Variants in PAK4 observed in about 807,000 individuals in gnomAD.
PAK4 encodes the protein serine/threonine-protein kinase PAK 4.
In PAK4, 49 loss-of-function variants were observed where a neutral mutation model predicts 53.5. The ratio of observed to expected loss-of-function variants is 0.92; its 90% CI spans 0.73 to 1.16. PAK4 has a LOEUF of 1.16. PAK4 is among the 50% of genes most tolerant of loss of function. The probability of loss-of-function intolerance (pLI) is 0.00; values close to 1 mark genes in which losing one functional copy is unlikely to be tolerated. For synonymous variants in PAK4, 376 were observed against 375.6 expected, an observed-to-expected ratio of 1.00 and a Z score of -0.01; for missense variants, 824 against 850.7, an observed-to-expected ratio of 0.97 and a Z score of 0.39.
At chr19:39,134,904 C>G (rs1219211015) in intron 1 of PAK4, 1 of 152,312 alleles carries the variant, frequency 6.6e-6, no homozygotes, top group Non-Finnish European at 1.5e-5. Flanking sequence ...TGTGCCCAGC[C>G]CCATATAATA....
At position 39,157,596 on chromosome 19, in the gene PAK4, C is replaced by A. The variant is rs570932260; in HGVS notation, c.-22-11936C>A. Among the ~76,000 whole-genome samples the A allele has an allele frequency of 2.0e-5, 3 of 152,346 alleles. No homozygotes were observed. In the South Asian group the frequency reaches 6.2e-4, roughly 32 times the overall value. The stretch of plus-strand genomic sequence containing the variant: ...GAAGCTCCCTCTGGGGCACGCTCTG[C>A]TGGTGCCCCATATTCTAGAGACATG... On this transcript the variant is annotated intron_variant, in intron 1 of 8. Transcript: ENST00000358301.
Position 39,147,841 on chromosome 19 carries a change from G to GTTTTTTTTTTTTTTTTTTTTTTTTTTT in PAK4, c.-22-21667_-22-21666insTTTTTTTTTTTTTTTTTTTTTTTTTTT, listed in dbSNP as rs35845376. Among the ~76,000 whole-genome samples the GTTTTTTTTTTTTTTTTTTTTTTTTTTT allele has an allele frequency of 1.5e-4, 2 of 13,240 alleles. 1 individual carries two copies. 8.7% of individuals were successfully genotyped at this position (13,240 alleles called of 152,430 possible). On this transcript the variant is annotated intron_variant, in intron 1 of 8. Transcript: ENST00000358301. ...TTCTTATTGGATTGTTTGTTTTCGG[G>GTTTTTTTTTTTTTTTTTTTTTTTTTTT]TTTTTTTTTTTTTTTTTTTTTTTTG...
chr19:39,176,579 C>G lies in PAK4; in HGVS notation c.1360-11C>G. ...AGCTCCTCTGACCCCACTGCCTCTGCCCTGTCCCAGGTGAAGCTGTCAGAC... is the reference window on the plus strand; with the variant it reads ...AGCTCCTCTGACCCCACTGCCTCTGGCCTGTCCCAGGTGAAGCTGTCAGAC... On this transcript the variant is annotated splice_polypyrimidine_tract_variant and intron_variant, in intron 6 of 8. Transcript: ENST00000358301. 6.2e-7 allele frequency: 1 copy of G among 1,613,614 alleles called. No homozygotes were observed. The highest frequency in any genetic ancestry group is 1.3e-5 in the African/African-American group (1 of 75,050).
intron 1 of PAK4, among the ~76,000 whole-genome samples, chr19:39,155,979 G>A (rs892190529): frequency 2.6e-5 from 4 of 152,194 alleles, no homozygotes; most frequent in Non-Finnish European, 5.9e-5. Context: ...GTGAGGCGGC[G>A]CCAGCATGGC....
At chr19:39,157,032 C>G (rs567394242) in intron 1 of PAK4, among the ~76,000 whole-genome samples, 5 of 152,084 alleles carry the variant, frequency 3.3e-5, no homozygotes, top group Non-Finnish European at 7.4e-5. Context: ...CTGCTGGGGA[C>G]TTGCAGGCAT....
intron 1 of PAK4, among the ~76,000 whole-genome samples, chr19:39,158,407 G>A (rs1376376005): frequency 6.6e-6 from 1 of 152,152 alleles, no homozygotes; most frequent in Non-Finnish European, 1.5e-5. Flanking sequence ...TTGGGTGCTG[G>A]AGCCTGAGAG....
At chr19:39,172,811 G>C (rs1568526106) in intron 2 of PAK4, 107 bp from the exon 4 acceptor site, 1 of 951,936 alleles carries the variant, frequency 1.1e-6, no homozygotes, top group East Asian at 2.7e-5. Context: ...TTGCGTCTCT[G>C]TCTTGTCTCT....
chr19:39,126,262 G>C (rs2073575780), intron 1 of PAK4, among the ~76,000 whole-genome samples: 1 of 152,084 alleles, frequency 6.6e-6, no homozygotes, highest in African/African-American at 2.4e-5. Flanking sequence ...CCCCAGGGGC[G>C]CCAGGTTGGA....
chr19:39,145,451 C>G (rs756978231), intron 1 of PAK4, among the ~76,000 whole-genome samples: 14 of 152,122 alleles, frequency 9.2e-5, no homozygotes, highest in Non-Finnish European at 1.8e-4. Context: ...TCAGGGCACC[C>G]CTACCCCTGG....
intron 1 of PAK4, among the ~76,000 whole-genome samples, chr19:39,136,938 C>T (rs987698325): frequency 7.2e-5 from 11 of 152,082 alleles, no homozygotes; most frequent in East Asian, 1.9e-4. Flanking sequence ...AGAGGTCTCC[C>T]GGCGGGGGAG....
At chr19:39,140,767 C>T (rs1158353240) in intron 1 of PAK4, among the ~76,000 whole-genome samples, 2 of 152,156 alleles carry the variant, frequency 1.3e-5, no homozygotes, top group African/African-American at 4.8e-5. Context: ...CTCCCTGCTC[C>T]GGCACAGCAT....
At chr19:39,128,370 C>CA (rs2073631436) in intron 1 of PAK4, among the ~76,000 whole-genome samples, 1 of 152,184 alleles carries the variant, frequency 6.6e-6, no homozygotes, top group Non-Finnish European at 1.5e-5. Flanking sequence ...GCAGCCACCC[C>CA]ATCCCTACCT....
intron 7 of PAK4, among the ~76,000 whole-genome samples, chr19:39,177,315 AT>A (rs2074625584): frequency 6.6e-6 from 1 of 152,020 alleles, no homozygotes; most frequent in African/African-American, 2.4e-5. Context: ...GTTGGCTCTG[AT>A]TGGCTCAGCC....
chr19:39,162,506 G>A (rs924031882), intron 1 of PAK4, among the ~76,000 whole-genome samples: 2 of 152,080 alleles, frequency 1.3e-5, no homozygotes, highest in Non-Finnish European at 2.9e-5. Context: ...GGGCTCAAGC[G>A]ATCCTCCCTC....
At chr19:39,128,738 A>C (rs113535276) in intron 1 of PAK4, among the ~76,000 whole-genome samples, 2,332 of 152,208 alleles carry the variant, frequency 0.015, 73 homozygotes, top group African/African-American at 0.052. Flanking sequence ...CCTCCCTTCC[A>C]GGGGCAGCCT....
chr19:39,160,800 T>C (rs773193102), intron 1 of PAK4, among the ~76,000 whole-genome samples: 4 of 152,266 alleles, frequency 2.6e-5, no homozygotes, highest in Non-Finnish European at 5.9e-5. Context: ...GATTCCCTTC[T>C]AACCACGGTG....
intron 1 of PAK4, among the ~76,000 whole-genome samples, chr19:39,150,549 G>A (rs1196452394): frequency 6.6e-6 from 1 of 151,970 alleles, no homozygotes; most frequent in African/African-American, 2.4e-5. Flanking sequence ...GCCCACTCAG[G>A]CCCCTTGATT....
At chr19:39,139,614 C>G (rs2073878041) in intron 1 of PAK4, among the ~76,000 whole-genome samples, 1 of 152,190 alleles carries the variant, frequency 6.6e-6, no homozygotes, top group African/African-American at 2.4e-5. Context: ...CTTCTGGGTA[C>G]TGCCCTCCCC....
chr19:39,174,487 CGAT>C (rs1328565648), intron 4 of PAK4, among the ~76,000 whole-genome samples: 2 of 151,764 alleles, frequency 1.3e-5, no homozygotes, highest in Non-Finnish European at 2.9e-5. Context: ...AGCACCCTGA[CGAT>C]AGGAAGCCCA....
Sources: allele counts gnomAD v4.1 joint callset (sites outside exome capture counted in the v4.1 genomes callset), GRCh38; gene constraint gnomAD v4.1.1; transcripts MANE v1.5; gene names NCBI Gene and HGNC (gene_info 2026-07-23, HGNC 2026-07-21).